CIZ1: variants seen among roughly 807,000 people sequenced by gnomAD.
CIZ1 encodes cip1-interacting zinc finger protein.
A neutral mutation model predicts 118.6 loss-of-function variants in CIZ1; 58 were observed. That is an observed-to-expected ratio of 0.49 (90% confidence interval 0.40 to 0.61). The LOEUF (loss-of-function observed/expected upper bound fraction) is 0.61, where lower values mean the gene tolerates loss of function less well. Among genes scored for constraint, CIZ1 ranks in the 20% least tolerant of loss-of-function variants. CIZ1 has a pLI of 0.00. For synonymous variants in CIZ1, 448 were observed against 443.4 expected, an observed-to-expected ratio of 1.01 and a Z score of -0.13; for missense variants, 921 against 1,115.9, an observed-to-expected ratio of 0.83 and a Z score of 2.49.
intron 4 of CIZ1, among the ~76,000 whole-genome samples, chr9:128,187,311 G>A (rs1832505763): frequency 6.6e-6 from 1 of 152,190 alleles, no homozygotes; most frequent in Admixed American, 6.5e-5. Context: ...AGCTTGGGAA[G>A]TATTTAAGGG....
chr9:128,190,397 C>T lies in CIZ1; in HGVS notation c.218G>A (p.Gly73Asp). The change falls in exon 3 of 17, where the codon GGC (glycine) becomes GAC (aspartate). Residue 73 changes from glycine (G) to aspartate (D), a missense_variant. Gly to Asp is a moderately conservative substitution (Grantham distance 94, BLOSUM62 -1). Transcript: ENST00000372938. Reference protein sequence around the residue: ...QPQQPLLNLQGTNSASLLNGS... With the variant: ...QPQQPLLNLQDTNSASLLNGS... ...GTTGAGGAGGGAGGCTGAGTTGGTG[C>T]CCTGGAGATTCAGAAGCGGCTGCTG... 2 of 1,613,916 alleles carry T rather than the reference C, an allele frequency of 1.2e-6. No homozygotes were observed. The highest frequency in any genetic ancestry group is 1.7e-6 in the Non-Finnish European group (2 of 1,179,896).
intron 3 of CIZ1, among the ~76,000 whole-genome samples, chr9:128,188,428 TTCCTA>T (rs2131014374): frequency 6.6e-6 from 1 of 152,296 alleles, no homozygotes; most frequent in South Asian, 2.1e-4. Context: ...ACTGTGGGTT[TTCCTA>T]TCCCCATTTT....
intron 7 of CIZ1, among the ~76,000 whole-genome samples, chr9:128,180,114 A>G (rs892271489): frequency 8.5e-5 from 13 of 152,198 alleles, no homozygotes; most frequent in East Asian, 3.9e-4. Context: ...CATGTATCCA[A>G]TTGGCTTTGT....
At position 128,176,386 on chromosome 9, in the gene CIZ1, C is replaced by T. The variant is rs945664454; in HGVS notation, c.1908G>A (p.Leu636=). 1.1e-5 allele frequency: 17 copies of T among 1,614,138 alleles called. No individual in the cohort carries two copies. Among genetic ancestry groups the T allele is most frequent in the Non-Finnish European group, 1.4e-5 (16 of 1,180,006 alleles). ...TCTCCAGGACGTCCCGGGGCACGGG[C>T]AGCAGGGACAGGAGGCAGGCTTGGC... is the stretch of plus-strand genomic sequence containing the variant. ...HMSQACLLSL[L]PVPRDVLETE... is the part of the protein sequence containing the mutation. Residue 636 remains leucine, a synonymous_variant, in exon 11 of 17, where the codon CTG becomes CTA. Coordinates refer to ENST00000372938, the MANE Select transcript of CIZ1 (RefSeq NM_001131016.2).
rs901303026 is a variant in CIZ1, at chr9:128,203,711, G to A, written c.-6+475C>T. 1 of 1,313,264 alleles carries A rather than the reference G, an allele frequency of 7.6e-7. No individual in the cohort carries two copies. The highest frequency in any genetic ancestry group is 1.6e-5 in the African/African-American group (1 of 63,788). The allele number at this position is 1,313,264 out of a possible 1,614,324, so 81.4% of individuals were successfully genotyped here. On this transcript the variant is annotated intron_variant, in intron 1 of 17. Transcript: ENST00000372948. This position sits in a 1 kb window ranked among gnomAD's most constrained non-coding sequence, Gnocchi z 5.3. ...CCCCGCCCGGGGCACTGACGGCGCGGCGACCTCGCAGCCCCCGACGCTGCA... is the reference window on the plus strand; with the variant it reads ...CCCCGCCCGGGGCACTGACGGCGCGACGACCTCGCAGCCCCCGACGCTGCA...
Position 128,178,908 on chromosome 9 carries a change from T to C in CIZ1, c.1299A>G (p.Pro433=). The C allele has an allele frequency of 6.2e-7, 1 of 1,614,192 alleles. No homozygotes were observed. Among genetic ancestry groups the C allele is most frequent in the Non-Finnish European group, 8.5e-7 (1 of 1,180,020 alleles). Residue 433 remains proline (P), a synonymous_variant, in exon 8 of 17, where the codon CCA becomes CCG. Transcript: ENST00000372938. ...TTGGCTGTGCCTGTGTGTGGACCTGTGGATATGTCTGTGTCTGGACCTGCT... is the reference window on the plus strand; with the variant it reads ...TTGGCTGTGCCTGTGTGTGGACCTGCGGATATGTCTGTGTCTGGACCTGCT... ...LQKQVQTQTY[P]QVHTQAQPSV... is the part of the protein sequence containing the mutation.
At chr9:128,186,213 C>T (rs960639889) in intron 4 of CIZ1, among the ~76,000 whole-genome samples, 3 of 152,108 alleles carry the variant, frequency 2.0e-5, no homozygotes, top group African/African-American at 4.8e-5. Context: ...AAGCCCATTC[C>T]TCACACTGCC....
intron 4 of CIZ1, among the ~76,000 whole-genome samples, chr9:128,186,946 T>C (rs1001648304): frequency 1.3e-5 from 2 of 151,488 alleles, no homozygotes; most frequent in Non-Finnish European, 3.0e-5. Flanking sequence ...CTGCTTTTTT[T>C]TTTTTTTTTT....
chr9:128,188,715 C>A (rs1832751699), intron 3 of CIZ1, among the ~76,000 whole-genome samples: 1 of 152,144 alleles, frequency 6.6e-6, no homozygotes, highest in Admixed American at 6.6e-5. Flanking sequence ...CTCACAGCAA[C>A]CCCCGCCTCC....
At chr9:128,194,895 G>A (rs1220895115), upstream of CIZ1, among the ~76,000 whole-genome samples, 1 of 152,124 alleles carries the variant, frequency 6.6e-6, no homozygotes, top group Non-Finnish European at 1.5e-5. Flanking sequence ...ATAGCTCACT[G>A]CAGCCTTTCC....
At chr9:128,175,209 C>T (rs1830706196) in intron 11 of CIZ1, among the ~76,000 whole-genome samples, 1 of 152,142 alleles carries the variant, frequency 6.6e-6, no homozygotes, top group Non-Finnish European at 1.5e-5. Context: ...ATAAATTCTC[C>T]AGTTATTCTA....
At chr9:128,180,854 C>G in intron 5 of CIZ1, 40 bp from the exon 6 acceptor site, 1 of 1,448,024 alleles carries the variant, frequency 6.9e-7, no homozygotes, top group Non-Finnish European at 9.6e-7. Context: ...CCAATACCCA[C>G]CCCTATCAAT....
chr9:128,191,828 G>A (rs1353331751), upstream of CIZ1: 5 of 1,461,832 alleles, frequency 3.4e-6, no homozygotes, highest in Non-Finnish European at 4.5e-6. This position sits in a 1 kb window ranked among gnomAD's most constrained non-coding sequence, Gnocchi z 5.5. Context: ...GGCATCGAGG[G>A]GGACTTCCTT....
chr9:128,185,539 C>G lies in CIZ1; in HGVS notation c.588+8G>C. 3 of 1,316,466 alleles carry G rather than the reference C, an allele frequency of 2.3e-6. No individual in the cohort carries two copies. Among genetic ancestry groups the G allele is most frequent in the Non-Finnish European group, 3.1e-6 (3 of 968,590 alleles). The allele number at this position is 1,316,466 out of a possible 1,614,324, so 81.5% of individuals were successfully genotyped here. On this transcript the variant is annotated splice_region_variant and intron_variant, in intron 5 of 16. Transcript: ENST00000372938. ...TCCCGCCCACTCCCATCCCCACCTA[C>G]CACTCACCTTTCGATTGGGGGTGGT...
At chr9:128,177,530 C>CG in intron 10 of CIZ1, 36 bp downstream of exon 10, 16 of 1,005,116 alleles carry the variant, frequency 1.6e-5, no homozygotes, top group East Asian at 3.0e-5. Context: ...CCACGCAGGC[C>CG]CCACCCCTCC....
In CIZ1 at chr9:128,203,310, T is replaced by TCC. The variant is rs1341182619; in HGVS notation, c.-6+874_-6+875dup. ...GCGGCCGGCCCGCAGCGCCGCGGGC[T>TCC]CCCCCTAGCGGCGTCCGGGAGCGGT... On this transcript the variant is annotated intron_variant, in intron 1 of 17. Coordinates refer to the CIZ1 transcript ENST00000372948. This position sits in a 1 kb window ranked among gnomAD's most constrained non-coding sequence, Gnocchi z 5.3. The TCC allele has an allele frequency of 8.2e-6, 4 of 485,726 alleles. No individual in the cohort carries two copies. Among genetic ancestry groups the TCC allele is most frequent in the Non-Finnish European group, 1.2e-5 (4 of 345,478 alleles). 30.1% of individuals were successfully genotyped at this position (485,726 alleles called of 1,614,324 possible).
Position 128,203,939 on chromosome 9 carries a change from C to T in CIZ1, c.-6+247G>A, listed in dbSNP as rs115261347. Reference sequence around the variant, plus strand: ...GCCCCGGGCAAAGAGCTGCCCCCCGCCCCCAACATGGGCATGGAGAGAGCC... The same window carrying T: ...GCCCCGGGCAAAGAGCTGCCCCCCGTCCCCAACATGGGCATGGAGAGAGCC... On this transcript the variant is annotated intron_variant, in intron 1 of 17. Transcript: ENST00000372948. This position sits in a 1 kb window ranked among gnomAD's most constrained non-coding sequence, Gnocchi z 5.3. 4.1e-3 allele frequency: 778 copies of T among 192,096 alleles called. 11 individuals are homozygous for T. The highest frequency in any genetic ancestry group is 0.017 in the African/African-American group (743 of 42,774). The allele number at this position is 192,096 out of a possible 1,614,324, so 11.9% of individuals were successfully genotyped here.
At chr9:128,168,384 T>A (rs938901369) in intron 14 of CIZ1, among the ~76,000 whole-genome samples, 1 of 151,878 alleles carries the variant, frequency 6.6e-6, no homozygotes, top group African/African-American at 2.4e-5. Context: ...GGCGTGGTGG[T>A]GGGCACCTGT....
At chr9:128,178,260 C>T (rs986507950) in intron 9 of CIZ1, 109 bp downstream of exon 9, 117 of 1,330,354 alleles carry the variant, frequency 8.8e-5, no homozygotes, top group Middle Eastern at 3.8e-4. Flanking sequence ...TCCCATTTCA[C>T]GGTGGGGGAA....
Sources: gnomAD v4.1 joint callset for allele counts (sites outside exome capture counted in the v4.1 genomes callset) on GRCh38, gnomAD v4.1.1 for gene constraint, Gnocchi (gnomAD v3.1) non-coding constraint, MANE v1.5 for transcripts, NCBI Gene and HGNC (gene_info 2026-07-23, HGNC 2026-07-21) for gene names.